The following TTC28 variants were observed in gnomAD, a reference collection of about 807,000 sequenced individuals.
The protein encoded by TTC28 is tetratricopeptide repeat protein 28.
TTC28 carries 61 observed loss-of-function variants against 198.0 expected under a neutral mutation model. That is an observed-to-expected ratio of 0.31 (90% CI 0.25 to 0.38). The LOEUF is 0.38. Among genes scored for constraint, TTC28 ranks in the 10% least tolerant of loss-of-function variants. The pLI is 1.00. For missense variants in TTC28, 2,678 were observed against 3,164.0 expected (o/e 0.85, Z 3.69); for synonymous variants, 1,171 against 1,297.8 (o/e 0.90, Z 2.10).
chr22:28,198,121 A>T (rs1302545800), intron 5 of TTC28, among the ~76,000 whole-genome samples: 1 of 152,150 alleles, frequency 6.6e-6, no homozygotes, highest in Non-Finnish European at 1.5e-5. Flanking sequence ...TCTTTTGATG[A>T]AGTAATCTTT....
intron 2 of TTC28, among the ~76,000 whole-genome samples, chr22:28,386,046 G>A (rs1031723223): frequency 6.6e-6 from 1 of 151,768 alleles, no homozygotes; most frequent in African/African-American, 2.4e-5. Context: ...GGAGGCCGAG[G>A]CGGGCGGATC....
intron 5 of TTC28, among the ~76,000 whole-genome samples, chr22:28,201,478 A>C (rs1925933845): frequency 6.6e-6 from 1 of 152,112 alleles, no homozygotes; most frequent in Admixed American, 6.5e-5. Context: ...ATCAGTAAGA[A>C]TTAGAAAGGA....
At chr22:28,280,096 G>A (rs1280279700) in intron 5 of TTC28, among the ~76,000 whole-genome samples, 1 of 152,124 alleles carries the variant, frequency 6.6e-6, no homozygotes, top group Non-Finnish European at 1.5e-5. Flanking sequence ...ATTCTCTGGA[G>A]TAAATATCTA....
intron 2 of TTC28, among the ~76,000 whole-genome samples, chr22:28,578,737 T>G (rs2050187579): frequency 6.6e-6 from 1 of 152,106 alleles, no homozygotes; most frequent in Non-Finnish European, 1.5e-5. Context: ...AAATGTGTTT[T>G]GGGGGAAGGG....
In TTC28 at chr22:27,979,976, G is replaced by A. The variant is rs1334592723; in HGVS notation, c.*2245C>T. On this transcript the variant is annotated 3_prime_UTR_variant, in exon 23 of 23. Transcript: ENST00000397906. ...GGACTAAAACCAGGTTAGAGTCCATGAGTAACTCCTAGCTGGCTCAATAAC... is the reference window on the plus strand; with the variant it reads ...GGACTAAAACCAGGTTAGAGTCCATAAGTAACTCCTAGCTGGCTCAATAAC... The A allele has an allele frequency of 6.6e-6, 1 of 152,222 alleles. No individual in the cohort carries two copies. Among genetic ancestry groups the A allele is most frequent in the Non-Finnish European group, 1.5e-5 (1 of 68,040 alleles). 9.4% of individuals were successfully genotyped at this position (152,222 alleles called of 1,614,324 possible).
chr22:28,154,467 T>TC (rs1943703280), intron 6 of TTC28, among the ~76,000 whole-genome samples: 1 of 151,750 alleles, frequency 6.6e-6, no homozygotes, highest in Non-Finnish European at 1.5e-5. Context: ...TTCTCCTGCC[T>TC]CAGCCTCTGA....
intron 12 of TTC28, among the ~76,000 whole-genome samples, chr22:28,076,195 G>C (rs765106490): frequency 6.6e-6 from 1 of 152,166 alleles, no homozygotes; most frequent in Non-Finnish European, 1.5e-5. Flanking sequence ...TTAAGTGGTA[G>C]GTCAGTCTCA....
intron 2 of TTC28, among the ~76,000 whole-genome samples, chr22:28,531,252 T>C (rs2049132693): frequency 1.3e-5 from 2 of 152,154 alleles, no homozygotes; most frequent in African/African-American, 2.4e-5. Flanking sequence ...AAGCAGGAGT[T>C]GCAATCCTAG....
At chr22:28,095,069 A>G (rs1466579985) in intron 11 of TTC28, among the ~76,000 whole-genome samples, 1 of 152,136 alleles carries the variant, frequency 6.6e-6, no homozygotes, top group Non-Finnish European at 1.5e-5. Context: ...AACCACAGAG[A>G]GAAGGAGTTT....
chr22:28,011,901 C>G (rs1938180414), intron 14 of TTC28, among the ~76,000 whole-genome samples: 1 of 152,176 alleles, frequency 6.6e-6, no homozygotes, highest in African/African-American at 2.4e-5. Flanking sequence ...TGCTCCCCTC[C>G]CGGTCCCCAA....
chr22:28,597,370 T>C (rs2146108287), intron 2 of TTC28, among the ~76,000 whole-genome samples: 1 of 152,288 alleles, frequency 6.6e-6, no homozygotes, highest in African/African-American at 2.4e-5. Context: ...GCAACCACCA[T>C]TCTACTTTCT....
At chr22:28,074,454 T>C (rs186330536) in intron 12 of TTC28, among the ~76,000 whole-genome samples, 53 of 152,326 alleles carry the variant, frequency 3.5e-4, no homozygotes, top group Admixed American at 1.9e-3. Flanking sequence ...CCTGTTCTAA[T>C]AGGAATGCCA....
intron 2 of TTC28, among the ~76,000 whole-genome samples, chr22:28,362,089 G>A (rs886502432): frequency 2.6e-5 from 4 of 152,162 alleles, no homozygotes; most frequent in African/African-American, 9.7e-5. Flanking sequence ...ACATTCTGAA[G>A]CCCACAAATC....
At chr22:28,313,010 T>TA in intron 2 of TTC28, among the ~76,000 whole-genome samples, 1 of 152,162 alleles carries the variant, frequency 6.6e-6, no homozygotes, top group Non-Finnish European at 1.5e-5. Context: ...ATAGACGTGA[T>TA]AAAAAATGAT....
At chr22:28,409,523 C>A (rs961223169) in intron 2 of TTC28, among the ~76,000 whole-genome samples, 2 of 150,200 alleles carry the variant, frequency 1.3e-5, no homozygotes, top group African/African-American at 4.9e-5. Flanking sequence ...AATGTACACA[C>A]GTTAATATAT....
intron 2 of TTC28, among the ~76,000 whole-genome samples, chr22:28,407,661 T>C (rs2047019295): frequency 6.6e-6 from 1 of 152,184 alleles, no homozygotes; most frequent in Non-Finnish European, 1.5e-5. Flanking sequence ...AGAAAAACAT[T>C]ACAGTTGTTA....
intron 2 of TTC28, among the ~76,000 whole-genome samples, chr22:28,319,008 TG>T (rs1436366633): frequency 1.3e-5 from 2 of 151,820 alleles, no homozygotes; most frequent in African/African-American, 4.8e-5. Flanking sequence ...AAAAATTTTT[TG>T]TAGAGAAAGG....
intron 5 of TTC28, among the ~76,000 whole-genome samples, chr22:28,255,178 A>T (rs146997134): frequency 1.3e-5 from 2 of 152,304 alleles, no homozygotes; most frequent in East Asian, 3.9e-4. Flanking sequence ...TTTTAAAAAA[A>T]GCAAAAGACC....
chr22:28,459,995 C>T (rs1342006132), intron 2 of TTC28: 1 of 152,086 alleles, frequency 6.6e-6, no homozygotes, highest in African/African-American at 2.4e-5. Flanking sequence ...AATACGTATA[C>T]ACTTAAAAAT....
Sources: allele counts gnomAD v4.1 joint callset (sites outside exome capture counted in the v4.1 genomes callset), GRCh38; gene constraint gnomAD v4.1.1; transcripts MANE v1.5; gene names NCBI Gene and HGNC (gene_info 2026-07-23, HGNC 2026-07-21).